The following HELQ variants were observed in gnomAD, a reference collection of about 807,000 sequenced individuals.
HELQ encodes helicase, POLQ like.
A neutral mutation model predicts 111.6 loss-of-function variants in HELQ; 77 were observed. The observed-to-expected ratio is 0.69, with a 90% CI of 0.57 to 0.83. The LOEUF (loss-of-function observed/expected upper bound fraction) is 0.83. Ranked by LOEUF, HELQ falls within the 40% of genes least tolerant of loss-of-function variation. The pLI is 0.00. For synonymous variants in HELQ, 438 were observed against 454.7 expected (o/e 0.96, Z 0.47); for missense variants, 1,200 against 1,288.5 (o/e 0.93, Z 1.05).
At chr4:83,453,974 C>G in intron 1 of HELQ, 29 bp from the exon 2 acceptor site, 1 of 1,297,898 alleles carries the variant, frequency 7.7e-7, no homozygotes, top group Non-Finnish European at 1.1e-6. Flanking sequence ...CGCTTATGGT[C>G]AATTCCAGTT....
intron 5 of HELQ, among the ~76,000 whole-genome samples, chr4:83,444,215 T>C (rs1190749106): frequency 6.6e-6 from 1 of 152,160 alleles, no homozygotes; most frequent in African/African-American, 2.4e-5. Flanking sequence ...AATCTGCTTA[T>C]AACTGTCTAT....
intron 12 of HELQ, among the ~76,000 whole-genome samples, chr4:83,428,669 C>T (rs1483048828): frequency 6.6e-6 from 1 of 152,036 alleles, no homozygotes. Flanking sequence ...AGTTGCAGGC[C>T]AAATGTGTTG....
At position 83,432,229 on chromosome 4, in the gene HELQ, A is replaced by T; in HGVS notation, c.2087T>A (p.Leu696Ter). The T allele has an allele frequency of 6.3e-7, 1 of 1,587,892 alleles. No homozygotes were observed. The highest frequency in any genetic ancestry group is 8.6e-7 in the Non-Finnish European group (1 of 1,165,762). ...CATCTGTTTATATTGATTCCTCTTT[A>T]AAAATTCCTTAGCAACATAGGGAGC... ...LRAPYVAKEF[L>*]KRNQYKQMIG... The change falls in exon 10 of 18, where the codon TTA becomes TAA. Residue 696 changes from leucine (L) to a stop codon, truncating the protein, a stop_gained. Coordinates refer to ENST00000295488, the MANE Select transcript of HELQ (RefSeq NM_133636.5). LOFTEE classifies it high-confidence loss of function.
intron 8 of HELQ, among the ~76,000 whole-genome samples, chr4:83,438,997 C>T (rs1300954019): frequency 3.9e-5 from 6 of 152,022 alleles, no homozygotes; most frequent in Admixed American, 3.9e-4. Context: ...CACTATGCAC[C>T]CAAGGTTTTG....
At chr4:83,409,876 C>A (rs1269447140) in intron 17 of HELQ, among the ~76,000 whole-genome samples, 2 of 151,906 alleles carry the variant, frequency 1.3e-5, no homozygotes, top group African/African-American at 4.8e-5. Flanking sequence ...AACTGGGTGT[C>A]CATAGAAAAA....
chr4:83,408,398 A>G lies in HELQ; in HGVS notation c.3199-838T>C, dbSNP rs549194207. 5.9e-5 allele frequency among the ~76,000 whole-genome samples: 9 copies of G among 152,112 alleles called. No individual in the cohort carries two copies. In the South Asian group the frequency reaches 6.2e-4, roughly 11 times the overall value. ...CTTCTGAGTAGCTGGGACTACAGGCATGCACCACCACACCCAGCTAATTTT... is the reference window on the plus strand; with the variant it reads ...CTTCTGAGTAGCTGGGACTACAGGCGTGCACCACCACACCCAGCTAATTTT... On this transcript the variant is annotated intron_variant, in intron 17 of 17. Coordinates refer to ENST00000295488, the MANE Select transcript of HELQ (RefSeq NM_133636.5).
intron 2 of HELQ, among the ~76,000 whole-genome samples, chr4:83,450,373 AAAAG>A (rs1444887238): frequency 1.3e-5 from 2 of 151,678 alleles, no homozygotes; most frequent in Non-Finnish European, 1.5e-5. Flanking sequence ...TTAAAAAAAA[AAAAG>A]AAAGTTATAT....
intron 7 of HELQ, among the ~76,000 whole-genome samples, chr4:83,440,665 T>C (rs929309404): frequency 6.6e-6 from 1 of 152,202 alleles, no homozygotes; most frequent in African/African-American, 2.4e-5. Flanking sequence ...ATTTACATAG[T>C]AGACATTAAC....
Position 83,425,905 on chromosome 4 carries a change from T to C in HELQ, c.2775+89A>G, listed in dbSNP as rs1578077003. The stretch of plus-strand genomic sequence containing the variant: ...AAATGTAAACCAAAAAAGATCAATA[T>C]AATGGTACTAATTTTGTTGAGTGAA... On this transcript the variant is annotated intron_variant, in intron 14 of 17. Transcript: ENST00000295488. 3 of 681,326 alleles carry C rather than the reference T, an allele frequency of 4.4e-6. No homozygotes were observed. The East Asian group carries it at 7.7e-5, about 17-fold the overall frequency. The allele number at this position is 681,326 out of a possible 1,614,324, so 42.2% of individuals were successfully genotyped here.
chr4:83,424,698 CAGGTGCCCACCACCACACAT>C (rs1719749507), intron 14 of HELQ, among the ~76,000 whole-genome samples: 2 of 152,144 alleles, frequency 1.3e-5, no homozygotes, highest in Non-Finnish European at 2.9e-5. Context: ...GCTGGGATTA[CAGGTGCCCACCACCACACAT>C]AGCTAATTTT....
intron 13 of HELQ, 40 bp downstream of exon 13, chr4:83,427,523 T>G (rs1023424607): frequency 7.0e-7 from 1 of 1,437,464 alleles, no homozygotes; most frequent in African/African-American, 1.5e-5. Flanking sequence ...TAATAATTCA[T>G]AAACGAAGTA....
Position 83,446,924 on chromosome 4 carries a change from T to C in HELQ, c.1303A>G (p.Ile435Val), listed in dbSNP as rs1721078807. 6.2e-7 allele frequency: 1 copy of C among 1,611,934 alleles called. No individual in the cohort carries two copies. Among genetic ancestry groups the C allele is most frequent in the Admixed American group, 1.7e-5 (1 of 60,012 alleles). The change falls in exon 4 of 18, where the codon ATT becomes GTT. Residue 435 changes from isoleucine to valine, a missense_variant. Physicochemically the swap from Ile to Val is conservative, Grantham distance 29. Transcript: ENST00000295488. The part of the protein sequence containing the change: ...TKRREKKSLY[I>V]ATIEKGHSLV... Reference sequence around the variant, plus strand: ...CTATGTCCTTTTTCAATAGTGGCAATATAGAGTGATTTCTTTTCCCTTCTT... The same window carrying C: ...CTATGTCCTTTTTCAATAGTGGCAACATAGAGTGATTTCTTTTCCCTTCTT...
chr4:83,446,024 G>T lies in HELQ; in HGVS notation c.1455C>A (p.Leu485=). 6.2e-7 allele frequency: 1 copy of T among 1,606,484 alleles called. No individual in the cohort carries two copies. The highest frequency in any genetic ancestry group is 8.5e-7 in the Non-Finnish European group (1 of 1,173,296). The part of the protein sequence containing the change: ...ATLEMTLAKI[L]YTSKTTQIIG... ...TGAAAAAATACTTACTGCTAGTGTAGAGGATTTTTGCTAGGGTCATTTCCA... is the reference window on the plus strand; with the variant it reads ...TGAAAAAATACTTACTGCTAGTGTATAGGATTTTTGCTAGGGTCATTTCCA... Residue 485 remains leucine (L), a synonymous_variant, in exon 5 of 18, where the codon CTC becomes CTA. Transcript: ENST00000295488.
chr4:83,455,167 GT>G, intron 1 of HELQ: 4 of 732,590 alleles, frequency 5.5e-6, no homozygotes, highest in Non-Finnish European at 8.4e-6. Flanking sequence ...GCCTAGATTT[GT>G]GTCTCAGTCA....
chr4:83,434,902 G>A (rs1720370464), intron 9 of HELQ, among the ~76,000 whole-genome samples: 1 of 151,834 alleles, frequency 6.6e-6, no homozygotes, highest in South Asian at 2.1e-4. Context: ...TAAAAGCAAG[G>A]AACAGAGATA....
At chr4:83,413,537 G>T (rs943493504) in intron 17 of HELQ, among the ~76,000 whole-genome samples, 9 of 152,208 alleles carry the variant, frequency 5.9e-5, no homozygotes, top group African/African-American at 2.2e-4. Context: ...GTGACCAGAG[G>T]GCAGATTTTA....
Position 83,441,286 on chromosome 4 carries a change from T to A in HELQ, c.1662+19A>T. 7.2e-7 allele frequency: 1 copy of A among 1,384,292 alleles called. No individual in the cohort carries two copies. Among genetic ancestry groups the A allele is most frequent in the Non-Finnish European group, 1.0e-6 (1 of 980,640 alleles). The allele number at this position is 1,384,292 out of a possible 1,614,324, so 85.8% of individuals were successfully genotyped here. On this transcript the variant is annotated intron_variant, in intron 7 of 17. Transcript: ENST00000295488. ...ACACAAAGTCTGGTAACCTGGAATT[T>A]AAATGTTATCAATGTTACCTTATAA... is the stretch of plus-strand genomic sequence containing the variant.
intron 13 of HELQ, among the ~76,000 whole-genome samples, chr4:83,427,041 C>G (rs558499157): frequency 1.3e-5 from 2 of 152,292 alleles, no homozygotes; most frequent in Admixed American, 1.3e-4. Context: ...TTGGCTCTGA[C>G]CGAGCTTTCA....
In HELQ at chr4:83,407,351, G is replaced by A; in HGVS notation, c.*102C>T. On this transcript the variant is annotated 3_prime_UTR_variant, in exon 18 of 18. Coordinates refer to ENST00000295488, the MANE Select transcript of HELQ (RefSeq NM_133636.5). ...TCAAACATTATTCGTAGTTCTTAAT[G>A]TATAACTGAAATGTATTTTTTCATT... 1.5e-6 allele frequency: 1 copy of A among 682,906 alleles called. No individual in the cohort carries two copies. The highest frequency in any genetic ancestry group is 2.4e-6 in the Non-Finnish European group (1 of 412,950). 42.3% of individuals were successfully genotyped at this position (682,906 alleles called of 1,614,324 possible).
Sources: allele counts gnomAD v4.1 joint callset (sites outside exome capture counted in the v4.1 genomes callset), GRCh38; gene constraint gnomAD v4.1.1; transcripts MANE v1.5; gene names NCBI Gene and HGNC (gene_info 2026-07-23, HGNC 2026-07-21).